TENT2: variants seen among roughly 807,000 people sequenced by gnomAD.
The protein encoded by TENT2 is poly(A) RNA polymerase GLD2.
Under a neutral mutation model 72.2 loss-of-function variants are expected in TENT2, and 44 were observed. The ratio of observed to expected loss-of-function variants is 0.61; its 90% CI spans 0.48 to 0.78. The LOEUF (loss-of-function observed/expected upper bound fraction) is 0.78, where lower values mean the gene tolerates loss of function less well. Among genes scored for constraint, TENT2 ranks in the 30% least tolerant of loss-of-function variants. The pLI, the probability that TENT2 is intolerant of heterozygous loss-of-function variation, is 0.00. For missense variants in TENT2, 541 were observed against 569.6 expected, an observed-to-expected ratio of 0.95 and a Z score of 0.51; for synonymous variants, 212 against 192.5, an observed-to-expected ratio of 1.10 and a Z score of -0.84.
At chr5:79,615,941 T>G (rs1759497472) in intron 1 of TENT2, among the ~76,000 whole-genome samples, 1 of 152,052 alleles carries the variant, frequency 6.6e-6, no homozygotes, top group African/African-American at 2.4e-5. Flanking sequence ...CAGGCTGGAG[T>G]GCAGTGGTGC....
chr5:79,644,657 G>A (rs1787321601), intron 7 of TENT2: 1 of 152,282 alleles, frequency 6.6e-6, no homozygotes, highest in Non-Finnish European at 1.5e-5. Flanking sequence ...TTCACTTGTA[G>A]AGATCATGTA....
chr5:79,619,891 ATT>A, intron 2 of TENT2, 101 bp from the exon 3 acceptor site: 2 of 1,443,434 alleles, frequency 1.4e-6, no homozygotes, highest in Admixed American at 2.3e-5. Flanking sequence ...ATGTCGTCAC[ATT>A]TTTTTTTGAT....
chr5:79,682,146 A>C (rs1822472781), intron 14 of TENT2, 85 bp downstream of exon 14: 1 of 862,562 alleles, frequency 1.2e-6, no homozygotes, highest in Non-Finnish European at 1.8e-6. Flanking sequence ...AGTAGGACAG[A>C]ATGGTTTCTC....
intron 11 of TENT2, chr5:79,668,628 A>G (rs1810418955): frequency 3.1e-6 from 1 of 323,850 alleles, no homozygotes; most frequent in African/African-American, 2.1e-5. Context: ...GAGTTAGAAA[A>G]TCTTCTGCTA....
intron 11 of TENT2, 87 bp from the exon 12 acceptor site, chr5:79,668,805 A>T (rs1810551985): frequency 1.4e-6 from 2 of 1,420,842 alleles, no homozygotes; most frequent in Non-Finnish European, 1.9e-6. Context: ...TCTCTTTTTC[A>T]AAGAGGAGCC....
chr5:79,652,832 T>C (rs997537629), intron 10 of TENT2, among the ~76,000 whole-genome samples: 1 of 152,060 alleles, frequency 6.6e-6, no homozygotes, highest in Non-Finnish European at 1.5e-5. Flanking sequence ...CTTGAACATA[T>C]ATTACTTTAT....
intron 3 of TENT2, among the ~76,000 whole-genome samples, chr5:79,621,985 A>T (rs910075894): frequency 6.6e-6 from 1 of 151,990 alleles, no homozygotes; most frequent in Non-Finnish European, 1.5e-5. Flanking sequence ...AGAAATTGAC[A>T]TAATCCCAAA....
chr5:79,619,730 A>T lies in TENT2; in HGVS notation c.82A>T (p.Thr28Ser). The T allele has an allele frequency of 6.2e-7, 1 of 1,613,822 alleles. No individual in the cohort carries two copies. The highest frequency in any genetic ancestry group is 1.1e-5 in the South Asian group (1 of 91,064). The change falls in exon 2 of 15, where the codon ACT becomes TCT. Residue 28 changes from threonine (T) to serine (S), a missense_variant. Thr to Ser is a moderately conservative substitution (Grantham distance 58). Coordinates refer to ENST00000453514, the MANE Select transcript of TENT2 (RefSeq NM_001114394.3). ...QHNNFFTLSP[T>S]VYSHQQLIDA... ...TAATAACTTCTTTACCCTGTCACCT[A>T]CTGTTTATTCACACCAGCAGCTTAT...
chr5:79,668,501 C>G (rs2150628119), intron 11 of TENT2, among the ~76,000 whole-genome samples: 1 of 152,208 alleles, frequency 6.6e-6, no homozygotes, highest in East Asian at 1.9e-4. Flanking sequence ...TTGATATAGC[C>G]TTTATACATG....
At chr5:79,635,101 G>C (rs1779014632) in intron 4 of TENT2, among the ~76,000 whole-genome samples, 1 of 152,082 alleles carries the variant, frequency 6.6e-6, no homozygotes, top group South Asian at 2.1e-4. Context: ...AATCGTATAT[G>C]ATTTTTAGCC....
At chr5:79,653,749 C>T (rs977872601) in intron 10 of TENT2, among the ~76,000 whole-genome samples, 1 of 152,106 alleles carries the variant, frequency 6.6e-6, no homozygotes, top group African/African-American at 2.4e-5. Context: ...AAAATAGTTG[C>T]TTTTCTTGGC....
At position 79,682,017 on chromosome 5, in the gene TENT2, C is replaced by A; in HGVS notation, c.1336C>A (p.His446Asn). 2 of 1,613,414 alleles carry A rather than the reference C, an allele frequency of 1.2e-6. No homozygotes were observed. The highest frequency in any genetic ancestry group is 1.7e-6 in the Non-Finnish European group (2 of 1,179,692). ...FDGTNTARAVHEKQKFDMIKD... is the reference protein window; with the variant it reads ...FDGTNTARAVNEKQKFDMIKD... ...TGGAACAAATACAGCCAGAGCAGTG[C>A]ACGAAAAGCAGAAATTTGATATGAT... Residue 446 changes from histidine (H) to asparagine (N), a missense_variant, in exon 14 of 15, where the codon CAC (histidine) becomes AAC (asparagine). His to Asn is a moderately conservative substitution (Grantham distance 68, BLOSUM62 1). Transcript: ENST00000453514.
At chr5:79,665,232 A>G (rs569564312) in intron 11 of TENT2, among the ~76,000 whole-genome samples, 1 of 152,250 alleles carries the variant, frequency 6.6e-6, no homozygotes, top group South Asian at 2.1e-4. Flanking sequence ...CTCATAATTC[A>G]TATCATTAGG....
intron 12 of TENT2, among the ~76,000 whole-genome samples, chr5:79,670,079 C>T (rs1252270585): frequency 2.0e-5 from 3 of 151,782 alleles, no homozygotes; most frequent in East Asian, 2.0e-4. Context: ...ATTAGCTGGG[C>T]ATGGTGGTGC....
At chr5:79,666,509 A>G (rs1373108777) in intron 11 of TENT2, among the ~76,000 whole-genome samples, 1 of 151,448 alleles carries the variant, frequency 6.6e-6, no homozygotes, top group African/African-American at 2.4e-5. Flanking sequence ...CACCATGCCC[A>G]GCTAATCTTT....
chr5:79,648,850 G>A, intron 9 of TENT2, 157 bp downstream of exon 9: 1 of 793,606 alleles, frequency 1.3e-6, no homozygotes, highest in Non-Finnish European at 2.0e-6. Context: ...TATACTGTCA[G>A]TTATAGGTGA....
In TENT2 at chr5:79,685,129, C is replaced by T. The variant is rs565233417; in HGVS notation, c.1381-70C>T. On this transcript the variant is annotated intron_variant, in intron 14 of 14. Coordinates refer to ENST00000453514, the MANE Select transcript of TENT2 (RefSeq NM_001114394.3). Reference sequence around the variant, plus strand: ...CTAGAGAGAACCAACTATTAACATTCTTTTAAACTCTCAGTCTTTTGTTCT... The same window carrying T: ...CTAGAGAGAACCAACTATTAACATTTTTTTAAACTCTCAGTCTTTTGTTCT... 4 of 1,146,740 alleles carry T rather than the reference C, an allele frequency of 3.5e-6. No individual in the cohort carries two copies. The African/African-American group carries it at 6.3e-5, about 18-fold the overall frequency. The allele number at this position is 1,146,740 out of a possible 1,614,324, so 71.0% of individuals were successfully genotyped here.
At chr5:79,637,290 A>C (rs1192389718) in intron 4 of TENT2, among the ~76,000 whole-genome samples, 2 of 152,146 alleles carry the variant, frequency 1.3e-5, no homozygotes, top group Non-Finnish European at 2.9e-5. Flanking sequence ...TTGTATGGGA[A>C]TTGATTAGAA....
chr5:79,654,362 C>T (rs1020997301), intron 10 of TENT2, among the ~76,000 whole-genome samples: 7 of 151,616 alleles, frequency 4.6e-5, no homozygotes, highest in Non-Finnish European at 1.0e-4. Flanking sequence ...AACCAGGAGG[C>T]GGAGGTTGCA....
Sources: allele counts gnomAD v4.1 joint callset (sites outside exome capture counted in the v4.1 genomes callset), GRCh38; gene constraint gnomAD v4.1.1; transcripts MANE v1.5; gene names NCBI Gene and HGNC (gene_info 2026-07-23, HGNC 2026-07-21).